The following LOC128462377 variants were observed in gnomAD, a reference collection of about 807,000 sequenced individuals.
chr16:89,384,884 T>C, the LOC128462377 span, among the ~76,000 whole-genome samples: 2,129 of 104,586 alleles, frequency 0.02, 55 homozygotes, highest in African/African-American at 0.084. Flanking sequence ...GTTTTCTTTT[T>C]TTTTTTTTTT....
chr16:89,405,773 G>C, the LOC128462377 span, among the ~76,000 whole-genome samples: 80,196 of 151,772 alleles, frequency 0.53, 21,447 homozygotes, highest in Middle Eastern at 0.72. Flanking sequence ...TGGGGCTTAG[G>C]GGTCAAATTC....
the LOC128462377 span, among the ~76,000 whole-genome samples, chr16:89,386,489 C>A: frequency 1.3e-5 from 2 of 152,124 alleles, no homozygotes; most frequent in African/African-American, 4.8e-5. Context: ...AGGATAGAAC[C>A]CGGCACACAG....
At chr16:89,410,279 T>C in the LOC128462377 span, among the ~76,000 whole-genome samples, 1 of 152,034 alleles carries the variant, frequency 6.6e-6, no homozygotes, top group East Asian at 1.9e-4. Context: ...ACCAAGCCCA[T>C]CCCCAAAAGC....
the LOC128462377 span, chr16:89,361,446 T>G: frequency 1.3e-5 from 2 of 152,414 alleles, no homozygotes; most frequent in East Asian, 3.9e-4. Flanking sequence ...TCATTCAACT[T>G]TGAAACTTAG....
At chr16:89,321,674 A>C in the LOC128462377 span, among the ~76,000 whole-genome samples, 1 of 152,068 alleles carries the variant, frequency 6.6e-6, no homozygotes, top group Non-Finnish European at 1.5e-5. Flanking sequence ...AAAAACTTGT[A>C]ATGACACAAC....
At chr16:89,378,979 G>A in the LOC128462377 span, among the ~76,000 whole-genome samples, 3 of 152,322 alleles carry the variant, frequency 2.0e-5, no homozygotes, top group African/African-American at 2.4e-5. Context: ...AGGTTCTGAC[G>A]GCACACTGGG....
At chr16:89,327,772 A>G in the LOC128462377 span, among the ~76,000 whole-genome samples, 2 of 152,256 alleles carry the variant, frequency 1.3e-5, no homozygotes, top group African/African-American at 4.8e-5. Flanking sequence ...GAACAAAACT[A>G]GAAAAACCTA....
chr16:89,403,573 AACAG>A, the LOC128462377 span: 1 of 152,194 alleles, frequency 6.6e-6, no homozygotes, highest in Non-Finnish European at 1.5e-5. Context: ...TACACCACCA[AACAG>A]ACAAAGACCA....
the LOC128462377 span, among the ~76,000 whole-genome samples, chr16:89,374,005 G>T: frequency 3.3e-5 from 5 of 152,226 alleles, no homozygotes; most frequent in African/African-American, 1.2e-4. Flanking sequence ...CACAATACCT[G>T]CAGGACAGGA....
At chr16:89,366,580 T>C in the LOC128462377 span, among the ~76,000 whole-genome samples, 2 of 152,234 alleles carry the variant, frequency 1.3e-5, no homozygotes, top group East Asian at 3.8e-4. Flanking sequence ...TCAGCTGGTT[T>C]CCACTCGCTG....
chr16:89,415,218 T>C, the LOC128462377 span, among the ~76,000 whole-genome samples: 1 of 150,428 alleles, frequency 6.6e-6, no homozygotes, highest in Non-Finnish European at 1.5e-5. Flanking sequence ...CCTCCCAAAG[T>C]GCTGGGATTA....
At chr16:89,355,963 T>C in the LOC128462377 span, among the ~76,000 whole-genome samples, 2,282 of 151,880 alleles carry the variant, frequency 0.015, 52 homozygotes, top group African/African-American at 0.053. Flanking sequence ...CCACCAGAAA[T>C]GAGTTGGGAG....
the LOC128462377 span, among the ~76,000 whole-genome samples, chr16:89,405,883 G>GCAGATCACCTGAGGAACT: frequency 1.3e-5 from 2 of 152,038 alleles, no homozygotes; most frequent in African/African-American, 4.8e-5. Context: ...GCCAACGCCG[G>GCAGATCACCTGAGGAACT]CAGATCACCT....
chr16:89,365,786 T>C, the LOC128462377 span, among the ~76,000 whole-genome samples: 13 of 152,258 alleles, frequency 8.5e-5, no homozygotes, highest in Admixed American at 2.0e-4. Context: ...TCAGGGTTTG[T>C]TGAACAGACT....
At chr16:89,341,932 CTGCA>C in the LOC128462377 span, among the ~76,000 whole-genome samples, 6 of 150,908 alleles carry the variant, frequency 4.0e-5, no homozygotes, top group African/African-American at 1.5e-4. Flanking sequence ...GGCGGGAGTG[CTGCA>C]CCTCCTCCAC....
At chr16:89,385,575 C>T in the LOC128462377 span, among the ~76,000 whole-genome samples, 1 of 152,162 alleles carries the variant, frequency 6.6e-6, no homozygotes, top group Non-Finnish European at 1.5e-5. Context: ...TCCAACTCTA[C>T]TGAGTGAGCA....
the LOC128462377 span, among the ~76,000 whole-genome samples, chr16:89,413,411 G>A: frequency 1.3e-5 from 2 of 152,142 alleles, no homozygotes. Flanking sequence ...AGATCACGAG[G>A]TCAGGAGACC....
the LOC128462377 span, among the ~76,000 whole-genome samples, chr16:89,397,699 C>T: frequency 3.3e-5 from 5 of 152,352 alleles, no homozygotes; most frequent in East Asian, 9.6e-4. Flanking sequence ...GATGCTGACC[C>T]GGTACTGCTC....
At chr16:89,329,550 T>C in the LOC128462377 span, among the ~76,000 whole-genome samples, 4 of 152,158 alleles carry the variant, frequency 2.6e-5, no homozygotes, top group Non-Finnish European at 5.9e-5. Context: ...TTTATGTCAA[T>C]TGTAATTCAA....
Sources: allele counts gnomAD v4.1 joint callset (sites outside exome capture counted in the v4.1 genomes callset), GRCh38; gene constraint gnomAD v4.1.1; transcripts MANE v1.5.